The following LIMCH1 variants were observed in gnomAD, a reference collection of about 807,000 sequenced individuals.
The protein encoded by LIMCH1 is LIM and calponin homology domains 1, also known as LIM and calponin homology domains-containing protein 1.
LIMCH1 carries 113 observed loss-of-function variants against 176.5 expected under a neutral mutation model. The observed-to-expected ratio is 0.64, with a 90% confidence interval of 0.55 to 0.75. The LOEUF is 0.75. LIMCH1 is among the 30% of genes least tolerant of loss of function. LIMCH1 has a pLI of 0.00. For missense variants in LIMCH1, 1,674 were observed against 1,814.9 expected, an observed-to-expected ratio of 0.92 and a Z score of 1.41; for synonymous variants, 619 against 645.9, an observed-to-expected ratio of 0.96 and a Z score of 0.63.
intron 28 of LIMCH1, 22 bp downstream of exon 28, chr4:41,685,852 T>C (rs751630846): frequency 5.6e-6 from 9 of 1,602,064 alleles, no homozygotes; most frequent in East Asian, 2.2e-5. Context: ...GACACGATGG[T>C]TGTGGGATTC....
At chr4:41,430,394 G>C (rs1393604291) in intron 1 of LIMCH1, among the ~76,000 whole-genome samples, 1 of 152,166 alleles carries the variant, frequency 6.6e-6, no homozygotes, top group Non-Finnish European at 1.5e-5. Flanking sequence ...CTTCCGAGTA[G>C]CTGGGACTAC....
chr4:41,553,059 A>G (rs1339448721), intron 1 of LIMCH1, among the ~76,000 whole-genome samples: 1 of 152,202 alleles, frequency 6.6e-6, no homozygotes, highest in Non-Finnish European at 1.5e-5. Context: ...CACTGGTATA[A>G]TCAGCCTTCC....
intron 1 of LIMCH1, among the ~76,000 whole-genome samples, chr4:41,380,066 A>C (rs1160788982): frequency 1.3e-5 from 2 of 152,160 alleles, no homozygotes; most frequent in Non-Finnish European, 1.5e-5. Context: ...TGGCCTCCCA[A>C]AGTGCTAGGA....
At chr4:41,496,738 G>C (rs889109247) in intron 2 of LIMCH1, among the ~76,000 whole-genome samples, 2 of 152,180 alleles carry the variant, frequency 1.3e-5, no homozygotes, top group Admixed American at 6.5e-5. Context: ...CTAGCAAAAA[G>C]GGGGACTTGC....
intron 1 of LIMCH1, among the ~76,000 whole-genome samples, chr4:41,468,382 C>T (rs1283739013): frequency 2.1e-5 from 2 of 96,044 alleles, no homozygotes; most frequent in African/African-American, 8.6e-5. Flanking sequence ...TCCTCTCTCC[C>T]TCCCTCCCTC....
intron 14 of LIMCH1, among the ~76,000 whole-genome samples, chr4:41,640,187 T>C (rs561929892): frequency 6.6e-6 from 1 of 152,332 alleles, no homozygotes; most frequent in African/African-American, 2.4e-5. Flanking sequence ...TTAAGTAGTC[T>C]GTAAAATTGA....
At chr4:41,676,182 A>G (rs2095212407) in intron 22 of LIMCH1, among the ~76,000 whole-genome samples, 200 bp from the exon 23 acceptor site, 1 of 152,238 alleles carries the variant, frequency 6.6e-6, no homozygotes. Flanking sequence ...GAATCATACC[A>G]GCGTCTTGGA....
At chr4:41,481,917 C>T (rs2068718497) in intron 1 of LIMCH1, among the ~76,000 whole-genome samples, 1 of 150,804 alleles carries the variant, frequency 6.6e-6, no homozygotes, top group South Asian at 2.1e-4. Context: ...GTGGTGCAAT[C>T]TCAGCTCACT....
At chr4:41,601,711 G>A (rs924839350) in intron 2 of LIMCH1, among the ~76,000 whole-genome samples, 4 of 152,154 alleles carry the variant, frequency 2.6e-5, no homozygotes, top group Non-Finnish European at 4.4e-5. Flanking sequence ...CTTACAGTAC[G>A]TAGAAAGTTG....
intron 1 of LIMCH1, among the ~76,000 whole-genome samples, chr4:41,392,648 T>A (rs569611739): frequency 9.9e-5 from 15 of 152,198 alleles, no homozygotes; most frequent in African/African-American, 3.6e-4. Flanking sequence ...ATGTGGGAAC[T>A]CCACCTGATT....
At chr4:41,603,394 C>CA (rs1232943077) in intron 2 of LIMCH1, among the ~76,000 whole-genome samples, 14 of 152,110 alleles carry the variant, frequency 9.2e-5, no homozygotes, top group African/African-American at 1.4e-4. Flanking sequence ...ATGTCCAGAG[C>CA]AGAAAAGAAC....
At chr4:41,578,129 TG>T (rs1467714312) in intron 1 of LIMCH1, among the ~76,000 whole-genome samples, 4 of 152,190 alleles carry the variant, frequency 2.6e-5, no homozygotes, top group African/African-American at 9.7e-5. Flanking sequence ...TTAAGATGAC[TG>T]GGTAATTTAT....
At chr4:41,678,404 C>T (rs1360499801) in intron 23 of LIMCH1, among the ~76,000 whole-genome samples, 1 of 151,950 alleles carries the variant, frequency 6.6e-6, no homozygotes, top group Admixed American at 6.6e-5. Context: ...AGTAGGAACC[C>T]GATTCATCAA....
intron 1 of LIMCH1, among the ~76,000 whole-genome samples, chr4:41,395,398 A>G (rs1424334578): frequency 1.6e-5 from 1 of 61,862 alleles, no homozygotes; most frequent in Non-Finnish European, 3.3e-5. Flanking sequence ...CCCACCCACC[A>G]CACCTGGCTA....
intron 1 of LIMCH1, among the ~76,000 whole-genome samples, chr4:41,442,033 A>G (rs2062754900): frequency 6.6e-6 from 1 of 152,190 alleles, no homozygotes; most frequent in Admixed American, 6.5e-5. Context: ...TAATTTTAAA[A>G]TAGCCTGGGT....
intron 29 of LIMCH1, 129 bp downstream of exon 29, chr4:41,688,046 C>T (rs1316517236): frequency 4.4e-6 from 3 of 679,770 alleles, no homozygotes; most frequent in Admixed American, 2.4e-5. Context: ...TCTTCCTACA[C>T]ACACACAGAG....
In LIMCH1 at chr4:41,538,377, T is replaced by G. The variant is rs2078188920; in HGVS notation, c.-241+27T>G. 4.1e-6 allele frequency: 4 copies of G among 979,236 alleles called. No individual in the cohort carries two copies. The African/African-American group carries it at 7.0e-5, about 17-fold the overall frequency. 60.7% of individuals were successfully genotyped at this position (979,236 alleles called of 1,614,324 possible). A position where few individuals can be genotyped will look rare whatever the true frequency, so the allele number is the denominator to read the frequency against. ...TAAGTAAAATTCATTATAAAAGAAA[T>G]ACATGCTTAGGGGTATCCATGATGG... On this transcript the variant is annotated intron_variant, in intron 1 of 31. Transcript: ENST00000503057.
intron 30 of LIMCH1, among the ~76,000 whole-genome samples, chr4:41,690,670 A>G (rs183124423): frequency 6.6e-6 from 1 of 152,262 alleles, no homozygotes; most frequent in East Asian, 1.9e-4. Context: ...CACTTTGCCT[A>G]TAAGCTAAGA....
intron 1 of LIMCH1, among the ~76,000 whole-genome samples, chr4:41,400,902 T>A: frequency 6.6e-6 from 1 of 152,170 alleles, no homozygotes; most frequent in Non-Finnish European, 1.5e-5. Context: ...TCCAAATTTG[T>A]TTGAGTTCAT....
Sources: gnomAD v4.1 joint callset for allele counts (sites outside exome capture counted in the v4.1 genomes callset) on GRCh38, gnomAD v4.1.1 for gene constraint, MANE v1.5 for transcripts, NCBI Gene and HGNC (gene_info 2026-07-23, HGNC 2026-07-21) for gene names.